Variants in RNLS observed in about 807,000 individuals in gnomAD.
The protein encoded by RNLS is renalase.
RNLS carries 39 observed loss-of-function variants against 39.8 expected under a neutral mutation model. The observed-to-expected ratio is 0.98, with a 90% CI of 0.76 to 1.28. The LOEUF is 1.28. Among genes scored for constraint, RNLS ranks in the 50% most tolerant of loss-of-function variants. The pLI is 0.00. For synonymous variants in RNLS, 147 were observed against 150.7 expected (o/e 0.98, Z 0.18); for missense variants, 410 against 413.3 (o/e 0.99, Z 0.07).
At chr10:88,218,501 C>T in the RNLS span, among the ~76,000 whole-genome samples, 1 of 152,168 alleles carries the variant, frequency 6.6e-6, no homozygotes, top group Non-Finnish European at 1.5e-5. Context: ...CTGGCATGAG[C>T]AGGGCTTGGA....
chr10:88,204,068 G>A, the RNLS span, among the ~76,000 whole-genome samples: 1 of 152,116 alleles, frequency 6.6e-6, no homozygotes, highest in African/African-American at 2.4e-5. Flanking sequence ...AGTAAATAGT[G>A]AGATAGTGAT....
intron 4 of RNLS, among the ~76,000 whole-genome samples, chr10:88,559,910 T>A (rs963218852): frequency 5.3e-5 from 8 of 152,012 alleles, no homozygotes; most frequent in Non-Finnish European, 1.5e-5. Context: ...AATGGCCTGG[T>A]CTTGGGGGTC....
At chr10:88,398,954 C>G (rs111937026) in intron 4 of RNLS, among the ~76,000 whole-genome samples, 381 of 151,824 alleles carry the variant, frequency 2.5e-3, no homozygotes, top group Non-Finnish European at 3.7e-3. Context: ...CATAAATAAC[C>G]CAATTAAACA....
chr10:88,326,872 C>T (rs547667473), intron 5 of RNLS, among the ~76,000 whole-genome samples: 1 of 152,290 alleles, frequency 6.6e-6, no homozygotes, highest in South Asian at 2.1e-4. Flanking sequence ...TGTGTGAGTC[C>T]ACCTCTTGCA....
At chr10:88,413,592 T>C (rs1853834985) in intron 4 of RNLS, among the ~76,000 whole-genome samples, 1 of 152,208 alleles carries the variant, frequency 6.6e-6, no homozygotes, top group South Asian at 2.1e-4. Context: ...GCTGTTCTAT[T>C]TGTAGCTAGG....
chr10:88,224,511 A>G, the RNLS span, among the ~76,000 whole-genome samples: 1 of 152,214 alleles, frequency 6.6e-6, no homozygotes, highest in African/African-American at 2.4e-5. Flanking sequence ...TTGCCACAAG[A>G]TGCTGCCATG....
At chr10:88,514,663 G>A (rs1391997364) in intron 4 of RNLS, among the ~76,000 whole-genome samples, 1 of 151,972 alleles carries the variant, frequency 6.6e-6, no homozygotes, top group Non-Finnish European at 1.5e-5. Context: ...GAATCATGTA[G>A]TATATGTCCT....
the RNLS span, among the ~76,000 whole-genome samples, chr10:88,178,745 C>T: frequency 6.6e-6 from 1 of 152,176 alleles, no homozygotes; most frequent in Admixed American, 6.5e-5. Flanking sequence ...TTCTAGTCAG[C>T]CATCTTGATG....
chr10:88,181,259 T>A, the RNLS span, among the ~76,000 whole-genome samples: 2 of 152,124 alleles, frequency 1.3e-5, no homozygotes, highest in African/African-American at 4.8e-5. Flanking sequence ...TAGGAGCAGT[T>A]ATCATCTGAG....
the RNLS span, among the ~76,000 whole-genome samples, chr10:88,256,889 C>T: frequency 7.9e-5 from 12 of 152,248 alleles, no homozygotes; most frequent in East Asian, 2.3e-3. Flanking sequence ...GTTCCTCCTT[C>T]GTTTTTTAAA....
At chr10:88,400,509 G>T (rs1852848020) in intron 4 of RNLS, among the ~76,000 whole-genome samples, 1 of 151,962 alleles carries the variant, frequency 6.6e-6, no homozygotes, top group Admixed American at 6.6e-5. Flanking sequence ...TGAGTACTAG[G>T]AAGTGATATC....
At chr10:88,438,578 A>G (rs930708359) in intron 4 of RNLS, among the ~76,000 whole-genome samples, 42 of 152,348 alleles carry the variant, frequency 2.8e-4, no homozygotes, top group African/African-American at 9.9e-4. Flanking sequence ...TAGGCTTCCA[A>G]TAAAGAAGCA....
intron 4 of RNLS, among the ~76,000 whole-genome samples, chr10:88,552,099 T>C (rs1172359430): frequency 6.6e-6 from 1 of 152,180 alleles, no homozygotes; most frequent in African/African-American, 2.4e-5. Flanking sequence ...ATCTTATTTA[T>C]TAATCTTCCC....
chr10:88,307,745 G>A (rs543783696), intron 6 of RNLS, among the ~76,000 whole-genome samples: 2 of 152,222 alleles, frequency 1.3e-5, no homozygotes, highest in Non-Finnish European at 2.9e-5. Flanking sequence ...TTAAAATGGC[G>A]ATGCTGCCCA....
chr10:88,581,541 T>C, intron 3 of RNLS, 26 bp downstream of exon 3: 1 of 1,571,648 alleles, frequency 6.4e-7, no homozygotes, highest in South Asian at 1.2e-5. Flanking sequence ...ATTTTAAAAT[T>C]TAGGCAGAGA....
intron 5 of RNLS, 53 bp downstream of exon 5, chr10:88,362,499 G>T: frequency 9.2e-6 from 14 of 1,519,098 alleles, no homozygotes; most frequent in Non-Finnish European, 1.3e-5. Context: ...CATTTTTCAT[G>T]ATCTACACCC....
the RNLS span, among the ~76,000 whole-genome samples, chr10:88,226,738 C>CT: frequency 0.065 from 4,488 of 69,418 alleles, 644 homozygotes; most frequent in South Asian, 0.1. Flanking sequence ...TCTCCCTTCA[C>CT]TTTTTTTTTT....
At chr10:88,415,510 G>A (rs1853960661) in intron 4 of RNLS, among the ~76,000 whole-genome samples, 1 of 152,076 alleles carries the variant, frequency 6.6e-6, no homozygotes, top group African/African-American at 2.4e-5. Flanking sequence ...TCAATATAGT[G>A]AATATAGTGA....
chr10:88,357,614 G>C (rs1223779551), intron 5 of RNLS, among the ~76,000 whole-genome samples: 2 of 152,150 alleles, frequency 1.3e-5, no homozygotes, highest in Non-Finnish European at 2.9e-5. Context: ...GTAGAAACTG[G>C]CTAGATGTTC....
Sources: gnomAD v4.1 joint callset for allele counts (sites outside exome capture counted in the v4.1 genomes callset) on GRCh38, gnomAD v4.1.1 for gene constraint, MANE v1.5 for transcripts, NCBI Gene and HGNC (gene_info 2026-07-23, HGNC 2026-07-21) for gene names.